The following PDE3A variants were observed in gnomAD, a reference collection of about 807,000 sequenced individuals.
PDE3A encodes the protein cGMP-inhibited 3',5'-cyclic phosphodiesterase 3A.
A neutral mutation model predicts 98.3 loss-of-function variants in PDE3A; 43 were observed. The observed-to-expected ratio is 0.44, with a 90% CI of 0.34 to 0.56. PDE3A has a LOEUF of 0.56. Among genes scored for constraint, PDE3A ranks in the 20% least tolerant of loss-of-function variants. PDE3A has a pLI of 0.01. For missense variants in PDE3A, 1,427 were observed against 1,440.7 expected (o/e 0.99, Z 0.15); for synonymous variants, 663 against 567.9 (o/e 1.17, Z -2.38).
At chr12:20,556,827 C>A in intron 2 of PDE3A, 117 bp downstream of exon 2, 2 of 770,136 alleles carry the variant, frequency 2.6e-6, no homozygotes, top group East Asian at 2.6e-5. Flanking sequence ...AATAACCATG[C>A]CATTTGTTTT....
chr12:20,642,170 A>G (rs1462863984), intron 10 of PDE3A, among the ~76,000 whole-genome samples: 1 of 152,114 alleles, frequency 6.6e-6, no homozygotes, highest in Non-Finnish European at 1.5e-5. Flanking sequence ...TTAATATGAT[A>G]ATGTGTGCAA....
At chr12:20,521,856 T>A (rs1946435015) in intron 1 of PDE3A, among the ~76,000 whole-genome samples, 1 of 152,064 alleles carries the variant, frequency 6.6e-6, no homozygotes, top group Admixed American at 6.6e-5. Context: ...AGAACCAACT[T>A]ACCTACAGAA....
intron 1 of PDE3A, among the ~76,000 whole-genome samples, chr12:20,471,376 C>T (rs117128691): frequency 6.6e-6 from 1 of 152,128 alleles, no homozygotes; most frequent in Admixed American, 6.5e-5. Context: ...AGGTCAGGTA[C>T]TGGTGTTTTT....
chr12:20,592,639 G>C (rs1391840449), intron 2 of PDE3A, among the ~76,000 whole-genome samples: 2 of 152,240 alleles, frequency 1.3e-5, no homozygotes, highest in African/African-American at 4.8e-5. Context: ...ATGAGGGAGA[G>C]CATCAGGGAA....
chr12:20,395,132 T>C (rs1409113358), intron 1 of PDE3A, among the ~76,000 whole-genome samples: 1 of 152,056 alleles, frequency 6.6e-6, no homozygotes, highest in Non-Finnish European at 1.5e-5. Flanking sequence ...GGTTGAGTTC[T>C]GGTTTCCACT....
At position 20,686,494 on chromosome 12, in the gene PDE3A, ATAG is replaced by A. The variant is rs35604300; in HGVS notation, c.*6227_*6229del. 0.033 allele frequency among the ~76,000 whole-genome samples: 4,968 copies of A among 152,288 alleles called. 112 individuals are homozygous for A. Among genetic ancestry groups the A allele is most frequent in the Middle Eastern group, 0.054 (16 of 294 alleles). On this transcript the variant is annotated 3_prime_UTR_variant, in exon 16 of 16. Transcript: ENST00000359062. ...GCATTAATCTGCCCAGCATGATCAG[ATAG>A]TAGGTTAGAATTTGAAATTCATTAA...
At chr12:20,676,147 TTG>T (rs1945632858) in intron 15 of PDE3A, among the ~76,000 whole-genome samples, 1 of 152,158 alleles carries the variant, frequency 6.6e-6, no homozygotes, top group African/African-American at 2.4e-5. Flanking sequence ...ATTTCCTTAT[TTG>T]TGTTTGCTCT....
At chr12:20,396,316 T>C (rs995488411) in intron 1 of PDE3A, among the ~76,000 whole-genome samples, 2 of 152,150 alleles carry the variant, frequency 1.3e-5, no homozygotes, top group South Asian at 2.1e-4. Context: ...ATTAACATTT[T>C]ACTGGCATGA....
intron 1 of PDE3A, among the ~76,000 whole-genome samples, chr12:20,445,822 C>A (rs902547076): frequency 6.6e-6 from 1 of 152,084 alleles, no homozygotes; most frequent in African/African-American, 2.4e-5. Flanking sequence ...AGACTGATGA[C>A]GCCCTATGCT....
intron 3 of PDE3A, 134 bp from the exon 4 acceptor site, chr12:20,616,092 TTAGA>T (rs5796875): frequency 0.99 from 663,309 of 667,330 alleles, 329,768 homozygotes; most frequent in East Asian, 1. Flanking sequence ...CACTCAAATT[TTAGA>T]TAGATAGGTG....
At chr12:20,381,712 G>A (rs1480415393) in intron 1 of PDE3A, among the ~76,000 whole-genome samples, 1 of 151,836 alleles carries the variant, frequency 6.6e-6, no homozygotes, top group African/African-American at 2.4e-5. Flanking sequence ...TATGCTAATA[G>A]CAATCTTATG....
intron 2 of PDE3A, among the ~76,000 whole-genome samples, chr12:20,611,027 A>T (rs905889653): frequency 6.6e-6 from 1 of 151,870 alleles, no homozygotes; most frequent in African/African-American, 2.4e-5. Flanking sequence ...GATTTTTGTT[A>T]AATAAGGAGA....
At chr12:20,642,172 T>G (rs1944659699) in intron 10 of PDE3A, among the ~76,000 whole-genome samples, 1 of 152,116 alleles carries the variant, frequency 6.6e-6, no homozygotes, top group Non-Finnish European at 1.5e-5. Flanking sequence ...AATATGATAA[T>G]GTGTGCAAAT....
At chr12:20,461,182 C>T (rs1945241930) in intron 1 of PDE3A, among the ~76,000 whole-genome samples, 1 of 147,020 alleles carries the variant, frequency 6.8e-6, no homozygotes, top group African/African-American at 2.5e-5. Context: ...CCCTCCAACC[C>T]TCACTGATTA....
chr12:20,518,168 T>C, intron 1 of PDE3A, among the ~76,000 whole-genome samples: 1 of 152,228 alleles, frequency 6.6e-6, no homozygotes, highest in East Asian at 1.9e-4. Context: ...ATTGCTCCAG[T>C]GCTTCAGAAA....
At chr12:20,489,358 C>T (rs933656678) in intron 1 of PDE3A, among the ~76,000 whole-genome samples, 2 of 152,156 alleles carry the variant, frequency 1.3e-5, no homozygotes, top group South Asian at 2.1e-4. Context: ...CAGGCAGCCC[C>T]TGACAGCAGA....
intron 2 of PDE3A, among the ~76,000 whole-genome samples, chr12:20,562,925 GA>G (rs1327816553): frequency 6.6e-6 from 1 of 151,984 alleles, no homozygotes; most frequent in East Asian, 1.9e-4. Flanking sequence ...TATTCCGATG[GA>G]AAAAAAGTGA....
chr12:20,424,124 G>A (rs1273670062), intron 1 of PDE3A, among the ~76,000 whole-genome samples: 5 of 152,058 alleles, frequency 3.3e-5, no homozygotes, highest in Non-Finnish European at 5.9e-5. Flanking sequence ...TACATATTGC[G>A]AAAGTAAAAC....
At chr12:20,561,177 G>T (rs770913521) in intron 2 of PDE3A, among the ~76,000 whole-genome samples, 1 of 151,906 alleles carries the variant, frequency 6.6e-6, no homozygotes, top group Non-Finnish European at 1.5e-5. Context: ...AGAATAGCTT[G>T]AGCCCCGGAG....
Sources: gnomAD v4.1 joint callset for allele counts (sites outside exome capture counted in the v4.1 genomes callset) on GRCh38, gnomAD v4.1.1 for gene constraint, MANE v1.5 for transcripts, NCBI Gene and HGNC (gene_info 2026-07-23, HGNC 2026-07-21) for gene names.